The following OR1J2 variants were observed in gnomAD, a reference collection of about 807,000 sequenced individuals.
OR1J2 encodes the protein olfactory receptor family 1 subfamily J member 2.
For missense variants in OR1J2, 304 were observed against 246.1 expected, an observed-to-expected ratio of 1.24 and a Z score of -1.57; for synonymous variants, 142 against 99.7, an observed-to-expected ratio of 1.42 and a Z score of -2.52.
the OR1J2 span, among the ~76,000 whole-genome samples, chr9:122,458,418 C>T: frequency 1.3e-5 from 2 of 152,084 alleles, no homozygotes; most frequent in Non-Finnish European, 2.9e-5. Flanking sequence ...TTAATTCTCA[C>T]AGTGCTAATA....
the OR1J2 span, among the ~76,000 whole-genome samples, chr9:122,522,865 T>C: frequency 6.6e-6 from 1 of 152,192 alleles, no homozygotes; most frequent in Non-Finnish European, 1.5e-5. Context: ...GTACAAAAAG[T>C]GCCTTAACGT....
upstream of OR1J2, among the ~76,000 whole-genome samples, chr9:122,510,405 T>C (rs1828609254): frequency 6.6e-6 from 1 of 152,162 alleles, no homozygotes; most frequent in African/African-American, 2.4e-5. Flanking sequence ...AACATTTGCC[T>C]CAATGCTTTT....
chr9:122,578,084 T>G, the OR1J2 span, among the ~76,000 whole-genome samples: 1 of 152,148 alleles, frequency 6.6e-6, no homozygotes, highest in Admixed American at 6.5e-5. Flanking sequence ...TGGAGATTCA[T>G]TAAAGAACTA....
At chr9:122,450,666 C>A in the OR1J2 span, among the ~76,000 whole-genome samples, 2 of 152,160 alleles carry the variant, frequency 1.3e-5, no homozygotes, top group Non-Finnish European at 2.9e-5. Context: ...CTATAGTCAT[C>A]ATACTGTGCA....
At chr9:122,450,701 G>T in the OR1J2 span, among the ~76,000 whole-genome samples, 2 of 152,176 alleles carry the variant, frequency 1.3e-5, no homozygotes, top group African/African-American at 2.4e-5. Context: ...CAGTCCTCCT[G>T]TTGAACGGAA....
the OR1J2 span, among the ~76,000 whole-genome samples, chr9:122,543,375 G>GTA: frequency 6.6e-6 from 1 of 152,030 alleles, no homozygotes; most frequent in Non-Finnish European, 1.5e-5. Context: ...GCTAATTTTT[G>GTA]TATTTTTTGT....
the OR1J2 span, chr9:122,554,305 G>GA: frequency 1.6e-6 from 1 of 631,726 alleles, no homozygotes; most frequent in African/African-American, 1.9e-5. Context: ...AAAAAAAAGA[G>GA]TGTTTCATTC....
At chr9:122,500,739 G>A in the OR1J2 span, among the ~76,000 whole-genome samples, 1 of 152,138 alleles carries the variant, frequency 6.6e-6, no homozygotes, top group South Asian at 2.1e-4. Context: ...CTGTGATCTA[G>A]GTGCCACCAT....
the OR1J2 span, among the ~76,000 whole-genome samples, chr9:122,566,612 G>C: frequency 3.3e-5 from 5 of 152,102 alleles, no homozygotes; most frequent in African/African-American, 1.2e-4. Context: ...TTTCCCTATT[G>C]AAAAGGTTTT....
At chr9:122,531,302 TA>T in the OR1J2 span, among the ~76,000 whole-genome samples, 1 of 152,322 alleles carries the variant, frequency 6.6e-6, no homozygotes, top group East Asian at 1.9e-4. Context: ...CTTTAAGAGT[TA>T]AGAGTGGCGG....
chr9:122,569,373 T>C, the OR1J2 span, among the ~76,000 whole-genome samples: 1 of 152,198 alleles, frequency 6.6e-6, no homozygotes, highest in Non-Finnish European at 1.5e-5. Flanking sequence ...TTGGTATATA[T>C]ATTTTTCATC....
At chr9:122,465,124 A>G in the OR1J2 span, among the ~76,000 whole-genome samples, 7 of 152,190 alleles carry the variant, frequency 4.6e-5, no homozygotes, top group African/African-American at 1.7e-4. Context: ...GTATCCGAAG[A>G]AAAAAAATCT....
At chr9:122,450,296 T>C in the OR1J2 span, among the ~76,000 whole-genome samples, 5 of 152,098 alleles carry the variant, frequency 3.3e-5, no homozygotes, top group Non-Finnish European at 7.4e-5. Flanking sequence ...CTGCGCTTGG[T>C]GGTGCACACC....
the OR1J2 span, among the ~76,000 whole-genome samples, chr9:122,552,741 A>G: frequency 7.3e-6 from 1 of 137,182 alleles, no homozygotes; most frequent in African/African-American, 2.7e-5. Flanking sequence ...CCCCACAAAG[A>G]GGGCTTGAGT....
the OR1J2 span, among the ~76,000 whole-genome samples, chr9:122,505,400 T>C: frequency 6.6e-6 from 1 of 152,128 alleles, no homozygotes; most frequent in African/African-American, 2.4e-5. Flanking sequence ...GCTGTCATGA[T>C]AACCTATTAA....
chr9:122,566,599 C>T, the OR1J2 span, among the ~76,000 whole-genome samples: 3 of 152,156 alleles, frequency 2.0e-5, no homozygotes, highest in African/African-American at 7.2e-5. Flanking sequence ...GCATCTTTCT[C>T]CATTTCCCTA....
At chr9:122,491,386 G>A in the OR1J2 span, among the ~76,000 whole-genome samples, 14 of 151,784 alleles carry the variant, frequency 9.2e-5, no homozygotes, top group African/African-American at 3.4e-4. Context: ...AAACAAATGA[G>A]GTTAGTAAAA....
chr9:122,539,946 A>C, the OR1J2 span, among the ~76,000 whole-genome samples: 1 of 151,886 alleles, frequency 6.6e-6, no homozygotes, highest in South Asian at 2.1e-4. Context: ...TCCTTCACCC[A>C]CTTTTTGATG....
upstream of OR1J2, among the ~76,000 whole-genome samples, chr9:122,507,348 A>G (rs576120524): frequency 4.6e-5 from 7 of 152,266 alleles, no homozygotes; most frequent in East Asian, 1.2e-3. Context: ...ATCTCTTTAT[A>G]TCTTGCTGAA....
Sources: gnomAD v4.1 joint callset for allele counts (sites outside exome capture counted in the v4.1 genomes callset) on GRCh38, gnomAD v4.1.1 for gene constraint, MANE v1.5 for transcripts, NCBI Gene and HGNC (gene_info 2026-07-23, HGNC 2026-07-21) for gene names.